The following GAS7 variants were observed in gnomAD, a reference collection of about 807,000 sequenced individuals.
GAS7 encodes the protein growth arrest specific 7, also known as growth arrest-specific protein 7.
GAS7 carries 28 observed loss-of-function variants against 71.1 expected under a neutral mutation model. That is an observed-to-expected ratio of 0.39 (90% CI 0.29 to 0.54). The LOEUF (loss-of-function observed/expected upper bound fraction) is 0.54, where lower values mean the gene tolerates loss of function less well. Among genes scored for constraint, GAS7 ranks in the 20% least tolerant of loss-of-function variants. The pLI is 0.62. For missense variants in GAS7, 436 were observed against 627.8 expected, an observed-to-expected ratio of 0.69 and a Z score of 3.27; for synonymous variants, 258 against 245.8, an observed-to-expected ratio of 1.05 and a Z score of -0.46.
At position 9,919,818 on chromosome 17, in the gene GAS7, G is replaced by C; in HGVS notation, c.1139-113C>G. ...TCCTCCCCCTGGGGTCATGGTGGCC[G>C]CTGGAAAGCTGGAAAAGGGATGGCA... On this transcript the variant is annotated intron_variant, in intron 11 of 13. Transcript: ENST00000432992. The surrounding 1 kb of genome is among the most constrained non-coding windows in gnomAD (Gnocchi z 5.0). 1 of 792,920 alleles carries C rather than the reference G, an allele frequency of 1.3e-6. No homozygotes were observed. The highest frequency in any genetic ancestry group is 2.2e-6 in the Non-Finnish European group (1 of 451,284). 49.1% of individuals were successfully genotyped at this position (792,920 alleles called of 1,614,324 possible).
chr17:10,120,001 G>C (rs1282297623), intron 1 of GAS7, among the ~76,000 whole-genome samples: 1 of 152,254 alleles, frequency 6.6e-6, no homozygotes, highest in East Asian at 1.9e-4. Flanking sequence ...GCTGGCACTC[G>C]CTTTCGGAAG....
intron 1 of GAS7, among the ~76,000 whole-genome samples, chr17:10,095,006 T>G (rs2073626382): frequency 6.6e-6 from 1 of 152,136 alleles, no homozygotes; most frequent in Non-Finnish European, 1.5e-5. Context: ...GATCGCCACA[T>G]GCAATCTTTC....
At chr17:9,965,997 CTTTT>C (rs1156705866) in intron 4 of GAS7, among the ~76,000 whole-genome samples, 2 of 122,956 alleles carry the variant, frequency 1.6e-5, no homozygotes, top group Non-Finnish European at 1.7e-5. Flanking sequence ...CCCCAAAATT[CTTTT>C]TTTTTTTTTT....
At chr17:10,126,376 C>G (rs72809365) in intron 1 of GAS7, among the ~76,000 whole-genome samples, 46 of 49,628 alleles carry the variant, frequency 9.3e-4, no homozygotes, top group Non-Finnish European at 2.1e-3. Context: ...GCACACACAC[C>G]CACACACTCA....
intron 1 of GAS7, among the ~76,000 whole-genome samples, chr17:10,124,855 T>C (rs1476387134): frequency 6.6e-6 from 1 of 151,700 alleles, no homozygotes; most frequent in African/African-American, 2.4e-5. Flanking sequence ...GAGGTGGAGG[T>C]TGCAGTGAGC....
chr17:10,133,741 T>C lies in GAS7; in HGVS notation c.183+64467A>G, dbSNP rs145833266. On this transcript the variant is annotated intron_variant, in intron 1 of 13. Coordinates refer to ENST00000432992, the MANE Select transcript of GAS7 (RefSeq NM_201433.2). ...CCCTGGTGATCACCATTCTACTCTT[T>C]GCTTCTATGAGTTCAACTTTTTTAG... 4.6e-5 allele frequency among the ~76,000 whole-genome samples: 7 copies of C among 151,618 alleles called. No homozygotes were observed. In the East Asian group the frequency reaches 1.4e-3, roughly 29 times the overall value.
chr17:9,938,405 G>A (rs1232995836), intron 8 of GAS7, among the ~76,000 whole-genome samples: 2 of 150,214 alleles, frequency 1.3e-5, no homozygotes, highest in Non-Finnish European at 3.0e-5. Context: ...CTACTTGGGA[G>A]GTGGAGGTTG....
chr17:9,934,755 T>C (rs1300430461), intron 8 of GAS7, among the ~76,000 whole-genome samples: 2 of 152,210 alleles, frequency 1.3e-5, no homozygotes, highest in Non-Finnish European at 2.9e-5. Context: ...GTTTGTTCCT[T>C]GAGACAGTCT....
intron 2 of GAS7, among the ~76,000 whole-genome samples, chr17:10,013,341 C>T (rs1438145944): frequency 6.6e-6 from 1 of 152,184 alleles, no homozygotes; most frequent in Non-Finnish European, 1.5e-5. Context: ...CAGACTAAGA[C>T]AGTCTCCTTA....
At chr17:10,111,237 C>T (rs1181985574) in intron 1 of GAS7, among the ~76,000 whole-genome samples, 2 of 151,998 alleles carry the variant, frequency 1.3e-5, no homozygotes, top group Non-Finnish European at 2.9e-5. Context: ...CCCGTCTCTA[C>T]TAAAAATACA....
intron 1 of GAS7, among the ~76,000 whole-genome samples, chr17:10,091,563 T>A (rs1029551420): frequency 2.0e-5 from 3 of 152,126 alleles, no homozygotes; most frequent in Non-Finnish European, 4.4e-5. Context: ...AATTTTTGTA[T>A]TTTTAGTAGA....
intron 1 of GAS7, among the ~76,000 whole-genome samples, chr17:10,058,439 G>A (rs553037006): frequency 4.0e-5 from 6 of 149,940 alleles, no homozygotes; most frequent in Admixed American, 1.3e-4. Flanking sequence ...GCTACAGAGC[G>A]AGACTCCGTC....
At chr17:9,963,167 TCATC>T (rs2069571155) in intron 4 of GAS7, among the ~76,000 whole-genome samples, 1 of 152,122 alleles carries the variant, frequency 6.6e-6, no homozygotes, top group East Asian at 1.9e-4. Context: ...AATGGAGTGT[TCATC>T]CATGCCGCGA....
At position 10,071,137 on chromosome 17, in the gene GAS7, C is replaced by T. The variant is rs1428056288; in HGVS notation, c.184-51240G>A. On this transcript the variant is annotated intron_variant, in intron 1 of 13. Coordinates refer to ENST00000432992, the MANE Select transcript of GAS7 (RefSeq NM_201433.2). The stretch of plus-strand genomic sequence containing the variant: ...ACAGAAGCCAGTTGGTGGGGTGTTC[C>T]CAGCCAGCAGGACCCCAAAAAACTC... 2.0e-5 allele frequency among the ~76,000 whole-genome samples: 3 copies of T among 151,560 alleles called. No homozygotes were observed. In the East Asian group the frequency reaches 5.9e-4, roughly 30 times the overall value.
chr17:10,126,360 ACT>A (rs1333317978), intron 1 of GAS7, among the ~76,000 whole-genome samples: 15 of 118,482 alleles, frequency 1.3e-4, no homozygotes, highest in Non-Finnish European at 1.9e-4. Flanking sequence ...ACTCACACAC[ACT>A]CTTGCACACA....
At chr17:9,918,847 AGG>A (rs1305020425) in intron 12 of GAS7, among the ~76,000 whole-genome samples, 1 of 152,132 alleles carries the variant, frequency 6.6e-6, no homozygotes, top group Non-Finnish European at 1.5e-5. Context: ...TTAATCAGAA[AGG>A]GGGGTAAAGC....
chr17:10,005,172 T>C lies in GAS7; in HGVS notation c.304+14605A>G, dbSNP rs538190371. ...ATGCATGCATGTGTGTGCGCACGCA[T>C]GCATGTATGTGTATGTGCACGCATG... On this transcript the variant is annotated intron_variant, in intron 2 of 13. Transcript: ENST00000432992. 1.7e-4 allele frequency among the ~76,000 whole-genome samples: 26 copies of C among 150,842 alleles called. No homozygotes were observed. The South Asian group carries it at 5.0e-3, about 29-fold the overall frequency.
Position 9,957,280 on chromosome 17 carries a change from T to C in GAS7, c.525+1922A>G, listed in dbSNP as rs542195807. Among the ~76,000 whole-genome samples the C allele has an allele frequency of 5.9e-5, 9 of 152,292 alleles. No individual in the cohort carries two copies. The South Asian group carries it at 1.0e-3, about 18-fold the overall frequency. ...AAAAAAGGTCTTGGAGGCTTGAGAA[T>C]ACAATTTGCAGACTCCCTCATGAGA... On this transcript the variant is annotated intron_variant, in intron 5 of 13. Transcript: ENST00000432992.
At chr17:10,175,645 G>A (rs2074369215) in intron 1 of GAS7, among the ~76,000 whole-genome samples, 1 of 152,104 alleles carries the variant, frequency 6.6e-6, no homozygotes, top group African/African-American at 2.4e-5. Context: ...CTACAACAGT[G>A]TGGTCAAAAA....
Sources: gnomAD v4.1 joint callset for allele counts (sites outside exome capture counted in the v4.1 genomes callset) on GRCh38, gnomAD v4.1.1 for gene constraint, Gnocchi (gnomAD v3.1) non-coding constraint, MANE v1.5 for transcripts, NCBI Gene and HGNC (gene_info 2026-07-23, HGNC 2026-07-21) for gene names.